The following BNC2 variants were observed in gnomAD, a reference collection of about 807,000 sequenced individuals.
BNC2 encodes basonuclin zinc finger protein 2.
BNC2 carries 20 observed loss-of-function variants against 76.3 expected under a neutral mutation model. That is an observed-to-expected ratio of 0.26 (90% CI 0.18 to 0.38). The LOEUF (loss-of-function observed/expected upper bound fraction) is 0.38, where lower values mean the gene tolerates loss of function less well. Among genes scored for constraint, BNC2 ranks in the 10% least tolerant of loss-of-function variants. The pLI is 1.00. For missense variants in BNC2, 1,382 were observed against 1,399.8 expected, an observed-to-expected ratio of 0.99 and a Z score of 0.20; for synonymous variants, 582 against 514.8, an observed-to-expected ratio of 1.13 and a Z score of -1.77.
intron 3 of BNC2, among the ~76,000 whole-genome samples, chr9:16,663,510 C>T (rs2134086145): frequency 6.6e-6 from 1 of 152,194 alleles, no homozygotes; most frequent in South Asian, 2.1e-4. Context: ...TGATTCTGGA[C>T]TATACTATAA....
intron 1 of BNC2, among the ~76,000 whole-genome samples, chr9:16,848,295 G>A (rs140781462): frequency 6.6e-6 from 1 of 152,166 alleles, no homozygotes; most frequent in African/African-American, 2.4e-5. Context: ...AAATTCCATC[G>A]ATGAAGTCAG....
At chr9:16,607,522 C>T (rs2133381122) in intron 3 of BNC2, among the ~76,000 whole-genome samples, 1 of 152,090 alleles carries the variant, frequency 6.6e-6, no homozygotes, top group South Asian at 2.1e-4. Context: ...GGTAAGTAAA[C>T]AATTTTATTA....
intron 5 of BNC2, among the ~76,000 whole-genome samples, chr9:16,494,502 AT>A (rs1024239211): frequency 1.3e-5 from 2 of 152,072 alleles, no homozygotes; most frequent in African/African-American, 2.4e-5. Context: ...AGGACCTGAA[AT>A]GGTGTGGGTG....
intron 3 of BNC2, among the ~76,000 whole-genome samples, chr9:16,707,913 A>G (rs1382581722): frequency 1.3e-5 from 2 of 152,202 alleles, no homozygotes; most frequent in African/African-American, 4.8e-5. Flanking sequence ...AAGTGCTAGG[A>G]TTACAGGTGT....
rs556573448 is a variant in BNC2 at position 16,578,765 on chromosome 9, T to C, written c.433+4218A>G. 1.1e-4 allele frequency among the ~76,000 whole-genome samples: 16 copies of C among 152,304 alleles called. No individual in the cohort carries two copies. In the South Asian group the frequency reaches 3.1e-3, roughly 30 times the overall value. The stretch of plus-strand genomic sequence containing the variant: ...AGCTCTAAAAAACTTTTGTTGTTAT[T>C]GTTTTTCAAGCCATACTCAGATTGT... On this transcript the variant is annotated intron_variant, in intron 4 of 6. Transcript: ENST00000380672.
At chr9:16,866,828 G>C (rs1307960100) in intron 1 of BNC2, among the ~76,000 whole-genome samples, 1 of 151,992 alleles carries the variant, frequency 6.6e-6, no homozygotes, top group Non-Finnish European at 1.5e-5. Context: ...CTTCAGAGGG[G>C]ATTTTACTAA....
At chr9:16,741,329 T>C (rs937535906) in intron 1 of BNC2, among the ~76,000 whole-genome samples, 1 of 152,006 alleles carries the variant, frequency 6.6e-6, no homozygotes, top group African/African-American at 2.4e-5. Flanking sequence ...GGTGCATGCC[T>C]GTAATACCAA....
chr9:16,642,768 T>A (rs1053960702), intron 3 of BNC2, among the ~76,000 whole-genome samples: 1 of 152,144 alleles, frequency 6.6e-6, no homozygotes, highest in South Asian at 2.1e-4. Context: ...ATGGCTTAAA[T>A]AGTCTACACA....
rs781013817 is a variant in BNC2, at chr9:16,437,021, A to G, written c.1173T>C (p.Thr391=). The change falls in exon 6 of 7, where the codon ACT becomes ACC. Residue 391 remains threonine (T), a synonymous_variant. Transcript: ENST00000380672. ...CTGGCTCGGTTTTGGGCTCCACATT[A>G]GTAATGCTGGTCAGGGCATTTCTAT... ...TPNRNALTSI[T]NVEPKTEPAC... The G allele has an allele frequency of 4.3e-6, 7 of 1,614,164 alleles. No homozygotes were observed. The highest frequency in any genetic ancestry group is 5.9e-6 in the Non-Finnish European group (7 of 1,180,040).
At chr9:16,501,621 A>G (rs908955952) in intron 5 of BNC2, among the ~76,000 whole-genome samples, 14 of 152,192 alleles carry the variant, frequency 9.2e-5, no homozygotes, top group Non-Finnish European at 1.6e-4. Flanking sequence ...TCTGCATAAC[A>G]TAGAGTATTT....
At chr9:16,582,804 G>A (rs1384449935) in intron 4 of BNC2, among the ~76,000 whole-genome samples, 179 bp downstream of exon 4, 1 of 151,766 alleles carries the variant, frequency 6.6e-6, no homozygotes, top group Non-Finnish European at 1.5e-5. Flanking sequence ...CTGAGAATAT[G>A]CTGTTTTAGA....
chr9:16,781,005 G>C (rs1826137029), intron 1 of BNC2, among the ~76,000 whole-genome samples: 1 of 151,082 alleles, frequency 6.6e-6, no homozygotes, highest in Non-Finnish European at 1.5e-5. Flanking sequence ...TAATTCCTTT[G>C]TTTGAAAAAA....
chr9:16,672,814 G>C (rs1231639101), intron 3 of BNC2, among the ~76,000 whole-genome samples: 1 of 152,166 alleles, frequency 6.6e-6, no homozygotes, highest in Non-Finnish European at 1.5e-5. Flanking sequence ...GAACACCATG[G>C]AGTAGTGAAG....
chr9:16,578,430 T>A (rs1183707109), intron 4 of BNC2, among the ~76,000 whole-genome samples: 1 of 152,172 alleles, frequency 6.6e-6, no homozygotes, highest in East Asian at 1.9e-4. Flanking sequence ...TCCTGTTTTT[T>A]TTCACGAAGA....
chr9:16,483,133 G>C (rs1395371179), intron 5 of BNC2, among the ~76,000 whole-genome samples: 2 of 152,134 alleles, frequency 1.3e-5, no homozygotes, highest in East Asian at 3.9e-4. Flanking sequence ...ATGGTGTGAT[G>C]GGAATGAGAC....
chr9:16,471,334 C>A (rs1186960883), intron 5 of BNC2, among the ~76,000 whole-genome samples: 1 of 150,366 alleles, frequency 6.7e-6, no homozygotes, highest in Non-Finnish European at 1.5e-5. Flanking sequence ...CACTCTGTTG[C>A]CCAGGCTGGA....
intron 5 of BNC2, among the ~76,000 whole-genome samples, chr9:16,522,459 A>T (rs1262445314): frequency 6.6e-6 from 1 of 152,180 alleles, no homozygotes; most frequent in South Asian, 2.1e-4. Context: ...AGCTAGAGAC[A>T]TATGAAGAGA....
At chr9:16,495,156 T>C (rs1318265218) in intron 5 of BNC2, among the ~76,000 whole-genome samples, 1 of 152,046 alleles carries the variant, frequency 6.6e-6, no homozygotes, top group East Asian at 1.9e-4. Flanking sequence ...CTGAATAAGG[T>C]GGTGATAAAT....
chr9:16,485,374 G>T (rs183579626), intron 5 of BNC2, among the ~76,000 whole-genome samples: 109 of 152,212 alleles, frequency 7.2e-4, no homozygotes, highest in Non-Finnish European at 1.3e-3. Context: ...TTGTAAAGTT[G>T]GGTCAGGGAT....
Sources: allele counts gnomAD v4.1 joint callset (sites outside exome capture counted in the v4.1 genomes callset), GRCh38; gene constraint gnomAD v4.1.1; transcripts MANE v1.5; gene names NCBI Gene and HGNC (gene_info 2026-07-23, HGNC 2026-07-21).